Variants in PRKCI observed in about 807,000 individuals in gnomAD.
PRKCI encodes the protein protein kinase C iota.
PRKCI carries 43 observed loss-of-function variants against 84.0 expected under a neutral mutation model. That is an observed-to-expected ratio of 0.51 (90% CI 0.40 to 0.66). PRKCI has a LOEUF of 0.66. Ranked by LOEUF, PRKCI falls within the 30% of genes least tolerant of loss-of-function variation. PRKCI has a pLI of 0.00. For missense variants in PRKCI, 459 were observed against 745.6 expected (o/e 0.62, Z 4.48); for synonymous variants, 216 against 234.4 (o/e 0.92, Z 0.72).
intron 2 of PRKCI, among the ~76,000 whole-genome samples, chr3:170,253,863 G>A (rs558726525): frequency 6.6e-6 from 1 of 151,924 alleles, no homozygotes; most frequent in Non-Finnish European, 1.5e-5. Flanking sequence ...TTGGGAGGCC[G>A]AGGCGGGCGG....
intron 1 of PRKCI, among the ~76,000 whole-genome samples, chr3:170,228,329 G>C (rs1026836284): frequency 2.0e-5 from 3 of 152,194 alleles, no homozygotes; most frequent in Admixed American, 6.5e-5. Context: ...GCTGGGTATG[G>C]TGGTTCATGC....
Position 170,287,670 on chromosome 3 carries a change from G to T in PRKCI, c.1203+3074G>T, listed in dbSNP as rs149908201. Among the ~76,000 whole-genome samples the T allele has an allele frequency of 6.4e-3, 978 of 151,866 alleles. 10 individuals carry two copies. The highest frequency in any genetic ancestry group is 0.022 in the African/African-American group (893 of 41,470). ...TCACACCTGTAATCTCAGCACTTTG[G>T]GAGGCCCGGCAGGCAGATCACTTGA... On this transcript the variant is annotated intron_variant, in intron 12 of 17. Coordinates refer to ENST00000295797, the MANE Select transcript of PRKCI (RefSeq NM_002740.6).
At chr3:170,268,516 A>G (rs1733920063) in intron 5 of PRKCI, among the ~76,000 whole-genome samples, 1 of 151,888 alleles carries the variant, frequency 6.6e-6, no homozygotes, top group African/African-American at 2.4e-5. Context: ...TGGATGATTA[A>G]TTATTCCACA....
At chr3:170,244,274 C>T (rs1176887134) in intron 2 of PRKCI, among the ~76,000 whole-genome samples, 3 of 152,098 alleles carry the variant, frequency 2.0e-5, no homozygotes, top group South Asian at 2.1e-4. Context: ...TTTCAGCCTA[C>T]CTCCCCCTTA....
At chr3:170,269,781 A>T (rs1733954558) in intron 5 of PRKCI, among the ~76,000 whole-genome samples, 1 of 152,048 alleles carries the variant, frequency 6.6e-6, no homozygotes, top group South Asian at 2.1e-4. Flanking sequence ...AACATGGTGA[A>T]ACCCCATCTC....
chr3:170,296,020 AT>A (rs1734679258), intron 15 of PRKCI, 30 bp downstream of exon 15: 2 of 1,336,476 alleles, frequency 1.5e-6, no homozygotes, highest in Non-Finnish European at 2.1e-6. Context: ...ATATTTTGTG[AT>A]TTGTCTCTTT....
intron 12 of PRKCI, among the ~76,000 whole-genome samples, chr3:170,289,773 G>A (rs1231757638): frequency 2.0e-5 from 3 of 152,146 alleles, no homozygotes; most frequent in Non-Finnish European, 4.4e-5. Flanking sequence ...TTAGGTGGGC[G>A]TGGTGGTGCA....
At chr3:170,296,264 C>T (rs1327529169) in intron 15 of PRKCI, among the ~76,000 whole-genome samples, 1 of 152,180 alleles carries the variant, frequency 6.6e-6, no homozygotes, top group Non-Finnish European at 1.5e-5. Context: ...CATATTCTCA[C>T]ATAGGGGAAG....
At chr3:170,273,239 A>G in intron 6 of PRKCI, 47 bp from the exon 7 acceptor site, 1 of 1,469,156 alleles carries the variant, frequency 6.8e-7, no homozygotes, top group East Asian at 2.3e-5. Flanking sequence ...TTTCTGGTGT[A>G]ATAGAGGTAC....
At chr3:170,222,801 G>T in intron 1 of PRKCI, 31 bp downstream of exon 1, 73 of 1,279,184 alleles carry the variant, frequency 5.7e-5, no homozygotes, top group Middle Eastern at 2.3e-4. Flanking sequence ...CGGTGGGCGG[G>T]AGGGGACAGG....
intron 1 of PRKCI, among the ~76,000 whole-genome samples, chr3:170,228,206 A>G (rs1044324137): frequency 6.6e-6 from 1 of 152,216 alleles, no homozygotes; most frequent in East Asian, 1.9e-4. Flanking sequence ...TAACCTATGT[A>G]GGAATGTGGC....
At chr3:170,299,704 A>G (rs1734776454) in intron 17 of PRKCI, among the ~76,000 whole-genome samples, 1 of 152,266 alleles carries the variant, frequency 6.6e-6, no homozygotes, top group African/African-American at 2.4e-5. Flanking sequence ...ACCAAGGCTC[A>G]GAGAGGTTAA....
chr3:170,264,499 G>A (rs190910476), intron 4 of PRKCI, among the ~76,000 whole-genome samples: 96 of 152,090 alleles, frequency 6.3e-4, no homozygotes, highest in African/African-American at 1.4e-3. Flanking sequence ...GGCCGGTGTC[G>A]AACTACTGAC....
In PRKCI at chr3:170,303,977, C is replaced by T. The variant is rs370987046; in HGVS notation, c.*850C>T. On this transcript the variant is annotated 3_prime_UTR_variant, in exon 18 of 18. Transcript: ENST00000295797. ...AGCCTGGGCAACAGTGAGTGAGACTCGGTCTCAAACAAAAACCAAATTGGG... is the reference window on the plus strand; with the variant it reads ...AGCCTGGGCAACAGTGAGTGAGACTTGGTCTCAAACAAAAACCAAATTGGG... The T allele has an allele frequency of 1.2e-4, 20 of 162,522 alleles. No homozygotes were observed. Among genetic ancestry groups the T allele is most frequent in the Admixed American group, 8.4e-4 (13 of 15,510 alleles). 10.1% of individuals were successfully genotyped at this position (162,522 alleles called of 1,614,324 possible). A position where few individuals can be genotyped will look rare whatever the true frequency, so the allele number is the denominator to read the frequency against.
chr3:170,222,525 T>A lies in PRKCI; in HGVS notation c.-145T>A. ...CCGGCTGCTCCGGCGAGGCGACCCT[T>A]GGGTCGGCGCTGCGGGCGAGGTGGG... On this transcript the variant is annotated 5_prime_UTR_variant, in exon 1 of 18. Transcript: ENST00000295797. The A allele has an allele frequency of 3.0e-6, 2 of 671,914 alleles. No homozygotes were observed. The highest frequency in any genetic ancestry group is 5.6e-5 in the South Asian group (2 of 35,954). 41.6% of individuals were successfully genotyped at this position (671,914 alleles called of 1,614,324 possible).
At chr3:170,295,770 G>A (rs987505215) in intron 14 of PRKCI, 141 bp from the exon 15 acceptor site, 27 of 394,400 alleles carry the variant, frequency 6.8e-5, no homozygotes, top group Middle Eastern at 6.9e-4. Flanking sequence ...GCTTAAGCCC[G>A]GGAGGTCAAA....
chr3:170,247,353 G>T (rs1733311118), intron 2 of PRKCI, among the ~76,000 whole-genome samples: 1 of 151,824 alleles, frequency 6.6e-6, no homozygotes, highest in African/African-American at 2.4e-5. Flanking sequence ...ACTGCAGCTA[G>T]CCTTAAACCA....
intron 4 of PRKCI, among the ~76,000 whole-genome samples, chr3:170,267,409 C>T (rs1215850510): frequency 6.6e-6 from 1 of 152,058 alleles, no homozygotes; most frequent in Non-Finnish European, 1.5e-5. Flanking sequence ...CGCGTTGGCT[C>T]ACGCCTGTAA....
At chr3:170,250,003 T>C (rs1577349692) in intron 2 of PRKCI, among the ~76,000 whole-genome samples, 1 of 152,106 alleles carries the variant, frequency 6.6e-6, no homozygotes, top group East Asian at 1.9e-4. Context: ...TGGCCAGACA[T>C]GGTGGCTCAC....
Sources: gnomAD v4.1 joint callset for allele counts (sites outside exome capture counted in the v4.1 genomes callset) on GRCh38, gnomAD v4.1.1 for gene constraint, MANE v1.5 for transcripts, NCBI Gene and HGNC (gene_info 2026-07-23, HGNC 2026-07-21) for gene names.